Variants in AFF1 observed in about 807,000 individuals in gnomAD.
The protein encoded by AFF1 is AF4/FMR2 family member 1.
AFF1 carries 48 observed loss-of-function variants against 121.7 expected under a neutral mutation model. The ratio of observed to expected loss-of-function variants is 0.39; its 90% CI spans 0.31 to 0.50. The LOEUF is 0.50. Ranked by LOEUF, AFF1 falls within the 20% of genes least tolerant of loss-of-function variation. The pLI, the probability that AFF1 is intolerant of heterozygous loss-of-function variation, is 0.76. For synonymous variants in AFF1, 613 were observed against 563.0 expected, an observed-to-expected ratio of 1.09 and a Z score of -1.26; for missense variants, 1,523 against 1,511.7, an observed-to-expected ratio of 1.01 and a Z score of -0.12.
In AFF1 at chr4:87,127,688, G is replaced by C; in HGVS notation, c.2949G>C (p.Gln983His). Residue 983 changes from glutamine (Q) to histidine (H), a missense_variant, in exon 16 of 21, where the codon CAG becomes CAC. Around this residue, in one of 5 missense-constraint regions of AFF1, gnomAD observed 905 missense variants for 842.5 expected, o/e 1.07. Transcript: ENST00000395146. ...TGAGGGAGGCAAAAAAGATGAAGCA[G>C]AAAGCAGAGTTAATGGTTAGTATTG... ...LHMREAKKMK[Q>H]KAELMTDRVG... The C allele has an allele frequency of 1.2e-6, 2 of 1,614,164 alleles. No individual in the cohort carries two copies. The highest frequency in any genetic ancestry group is 1.7e-6 in the Non-Finnish European group (2 of 1,180,028).
chr4:87,084,031 A>G (rs1435226019), intron 4 of AFF1, 89 bp from the exon 5 acceptor site: 12 of 1,183,144 alleles, frequency 1.0e-5, no homozygotes, highest in Non-Finnish European at 1.5e-5. Context: ...CCTTGAGATG[A>G]GTATTGCTGC....
At chr4:87,067,591 G>T (rs1202122905) in intron 4 of AFF1, among the ~76,000 whole-genome samples, 1 of 152,198 alleles carries the variant, frequency 6.6e-6, no homozygotes, top group Non-Finnish European at 1.5e-5. Context: ...AATGCACAGA[G>T]TCAGGGGCCT....
At chr4:87,082,621 G>A (rs1299732778) in intron 4 of AFF1, among the ~76,000 whole-genome samples, 1 of 152,100 alleles carries the variant, frequency 6.6e-6, no homozygotes, top group Non-Finnish European at 1.5e-5. Context: ...TAGAGATGGG[G>A]TTTTGCCATG....
chr4:87,006,849 G>A (rs531287194), intron 2 of AFF1: 4 of 593,532 alleles, frequency 6.7e-6, no homozygotes, highest in East Asian at 8.9e-5. Flanking sequence ...CCCCCTACCC[G>A]ACCCTGCCTG....
intron 4 of AFF1, among the ~76,000 whole-genome samples, chr4:87,073,912 T>C (rs1394631442): frequency 6.6e-6 from 1 of 152,144 alleles, no homozygotes; most frequent in Non-Finnish European, 1.5e-5. Context: ...AATTTAATAG[T>C]GTTTTGACTC....
chr4:87,025,842 C>A (rs72667757), intron 2 of AFF1, among the ~76,000 whole-genome samples: 24,285 of 152,118 alleles, frequency 0.16, 2,453 homozygotes, highest in East Asian at 0.32. Flanking sequence ...TGTACATTGT[C>A]ATCAGACCCT....
At chr4:86,961,190 C>T (rs982865948) in intron 2 of AFF1, among the ~76,000 whole-genome samples, 10 of 152,086 alleles carry the variant, frequency 6.6e-5, no homozygotes, top group African/African-American at 1.2e-4. Context: ...ATTTAATAAG[C>T]GCAGTGACCA....
chr4:86,962,964 G>A (rs1307842983), intron 2 of AFF1, among the ~76,000 whole-genome samples: 2 of 151,932 alleles, frequency 1.3e-5, no homozygotes, highest in South Asian at 2.1e-4. Flanking sequence ...CCAGGAGTTC[G>A]AGACCAGCCT....
intron 3 of AFF1, 95 bp downstream of exon 3, chr4:87,046,381 C>A: frequency 6.9e-7 from 1 of 1,439,998 alleles, no homozygotes; most frequent in South Asian, 1.4e-5. Context: ...GAACAAGGGT[C>A]ACAGCTGTGA....
chr4:87,010,100 T>C (rs943886651), intron 2 of AFF1, among the ~76,000 whole-genome samples: 6 of 152,242 alleles, frequency 3.9e-5, no homozygotes, highest in Non-Finnish European at 7.3e-5. Context: ...TAGTCTCCCC[T>C]ACATAAGCTA....
In AFF1 at chr4:87,012,217, C is replaced by CTTTTTTTTTTT. The variant is rs68156863; in HGVS notation, c.39-33947_39-33946insTTTTTTTTTTT. 2.9e-4 allele frequency among the ~76,000 whole-genome samples: 33 copies of CTTTTTTTTTTT among 115,066 alleles called. 4 individuals carry two copies. Among genetic ancestry groups the CTTTTTTTTTTT allele is most frequent in the African/African-American group, 3.2e-4 (11 of 34,614 alleles). The allele number at this position is 115,066 out of a possible 152,430, so 75.5% of individuals were successfully genotyped here. On this transcript the variant is annotated intron_variant, in intron 2 of 20. Coordinates refer to ENST00000395146, the MANE Select transcript of AFF1 (RefSeq NM_001166693.3). ...GTTAGCAAACTTCTCCATTTCATTTCTTGTTTTTTTTTTTTTTTGTATAAC... is the reference window on the plus strand; with the variant it reads ...GTTAGCAAACTTCTCCATTTCATTTCTTTTTTTTTTTTTGTTTTTTTTTTTTTTTGTATAAC...
At chr4:87,012,089 G>C (rs1430700957) in intron 2 of AFF1, among the ~76,000 whole-genome samples, 1 of 152,098 alleles carries the variant, frequency 6.6e-6, no homozygotes, top group Non-Finnish European at 1.5e-5. Context: ...TTTATTTCTT[G>C]TGAGCCTCCA....
intron 17 of AFF1, 133 bp from the exon 18 acceptor site, chr4:87,131,660 T>A: frequency 1.3e-6 from 1 of 777,332 alleles, no homozygotes; most frequent in South Asian, 1.9e-5. Context: ...AGCCTTGGGT[T>A]TTTAAATTTT....
chr4:87,088,565 A>G (rs999505523), intron 5 of AFF1, among the ~76,000 whole-genome samples: 1 of 152,068 alleles, frequency 6.6e-6, no homozygotes, highest in Admixed American at 6.5e-5. Flanking sequence ...GTAATATAGC[A>G]TGCTGTGGGG....
intron 11 of AFF1, among the ~76,000 whole-genome samples, chr4:87,113,213 A>G (rs777936795): frequency 1.3e-5 from 2 of 152,170 alleles, no homozygotes; most frequent in Non-Finnish European, 2.9e-5. Flanking sequence ...CCCTGACGGT[A>G]TGCCTCCCTT....
At position 87,007,545 on chromosome 4, in the gene AFF1, C is replaced by T. The variant is rs1408233186; in HGVS notation, c.39-38621C>T. 15 of 1,324,050 alleles carry T rather than the reference C, an allele frequency of 1.1e-5. No homozygotes were observed. The South Asian group carries it at 1.5e-4, about 13-fold the overall frequency. The allele number at this position is 1,324,050 out of a possible 1,614,324, so 82.0% of individuals were successfully genotyped here. On this transcript the variant is annotated intron_variant, in intron 2 of 20. Transcript: ENST00000395146. ...GGAAGCAGCTTTGTCATTGCCTTCT[C>T]ATCATTCCCGAGGCTGTGGCTTGAC...
chr4:87,022,668 GTATA>G (rs1560547771), intron 2 of AFF1, among the ~76,000 whole-genome samples: 9 of 144,258 alleles, frequency 6.2e-5, no homozygotes, highest in Non-Finnish European at 1.4e-4. Context: ...ATATGTGTGT[GTATA>G]TATATGTGTG....
intron 2 of AFF1, among the ~76,000 whole-genome samples, chr4:86,982,826 CGACAGAGTA>C (rs1560516461): frequency 8.7e-6 from 1 of 114,658 alleles, no homozygotes; most frequent in African/African-American, 3.3e-5. Context: ...CCAGTCTGGG[CGACAGAGTA>C]AGACTCTGTC....
intron 2 of AFF1, among the ~76,000 whole-genome samples, chr4:87,023,469 CATTT>C (rs747986152): frequency 5.9e-5 from 9 of 152,090 alleles, no homozygotes; most frequent in South Asian, 4.1e-4. Flanking sequence ...TTAAATTATT[CATTT>C]ATTTGAGAAG....
Sources: allele counts gnomAD v4.1 joint callset (sites outside exome capture counted in the v4.1 genomes callset), GRCh38; gene constraint gnomAD v4.1.1; regional missense constraint gnomAD v4.1.1; transcripts MANE v1.5; gene names NCBI Gene and HGNC (gene_info 2026-07-23, HGNC 2026-07-21).